IL1RAPL1: variants seen among roughly 807,000 people sequenced by gnomAD.
IL1RAPL1 encodes the protein interleukin-1 receptor accessory protein-like 1.
IL1RAPL1 carries 3 observed loss-of-function variants against 48.4 expected under a neutral mutation model. The observed-to-expected ratio is 0.06, with a 90% CI of 0.03 to 0.16. The LOEUF (loss-of-function observed/expected upper bound fraction) is 0.16. Ranked by LOEUF, IL1RAPL1 falls within the 10% of genes least tolerant of loss-of-function variation. The pLI is 1.00. For synonymous variants in IL1RAPL1, 185 were observed against 187.7 expected (o/e 0.99, Z 0.12); for missense variants, 349 against 530.6 (o/e 0.66, Z 3.36).
intron 5 of IL1RAPL1, among the ~76,000 whole-genome samples, chrX:29,470,167 G>T (rs190379150): frequency 3.6e-5 from 4 of 112,021 alleles, no homozygotes; most frequent in African/African-American, 1.3e-4. Context: ...CTCTCCCACT[G>T]CTAGTTTAGT....
At chrX:28,835,659 T>C (rs1921185724) in intron 2 of IL1RAPL1, among the ~76,000 whole-genome samples, 1 of 111,708 alleles carries the variant, frequency 9.0e-6, no homozygotes, top group African/African-American at 3.2e-5. Context: ...GTTATTTGAA[T>C]TGAACATATA....
intron 2 of IL1RAPL1, among the ~76,000 whole-genome samples, chrX:28,810,735 TTA>T (rs1253666149): frequency 9.1e-6 from 1 of 110,212 alleles, no homozygotes; most frequent in Non-Finnish European, 1.9e-5. Flanking sequence ...TCAAACTATT[TTA>T]GGGAACAAAA....
intron 2 of IL1RAPL1, among the ~76,000 whole-genome samples, chrX:28,928,888 T>C (rs1923814251): frequency 8.9e-6 from 1 of 112,238 alleles, no homozygotes; most frequent in African/African-American, 3.2e-5. Context: ...GAATCTGAAC[T>C]CTTTGTATGA....
At chrX:29,532,285 G>A (rs1437814445) in intron 5 of IL1RAPL1, among the ~76,000 whole-genome samples, 3 of 111,926 alleles carry the variant, frequency 2.7e-5, no homozygotes, top group Non-Finnish European at 3.8e-5. Flanking sequence ...GGTAGAAAGC[G>A]TGAGCTAAGG....
intron 1 of IL1RAPL1, among the ~76,000 whole-genome samples, chrX:28,697,964 T>A (rs1396004595): frequency 9.0e-6 from 1 of 111,375 alleles, no homozygotes; most frequent in Non-Finnish European, 1.9e-5. Context: ...GAGGAAGTTA[T>A]GTCCAATGAT....
At chrX:29,798,745 G>A (rs1929807294) in intron 6 of IL1RAPL1, among the ~76,000 whole-genome samples, 1 of 112,321 alleles carries the variant, frequency 8.9e-6, no homozygotes, top group African/African-American at 3.2e-5. Flanking sequence ...ATCAAATGGA[G>A]AATTACTAGG....
chrX:29,530,597 A>G (rs1043589045), intron 5 of IL1RAPL1, among the ~76,000 whole-genome samples: 39 of 111,964 alleles, frequency 3.5e-4, no homozygotes, highest in African/African-American at 1.2e-3. Context: ...CCAGACTGCT[A>G]CAGTATCATA....
At chrX:29,736,316 G>A (rs1190470523) in intron 6 of IL1RAPL1, among the ~76,000 whole-genome samples, 2 of 112,074 alleles carry the variant, frequency 1.8e-5, no homozygotes, top group East Asian at 5.6e-4. Flanking sequence ...CTTGAGCCCA[G>A]GATTTCAAGA....
At chrX:28,799,828 C>A (rs138330060) in intron 2 of IL1RAPL1, among the ~76,000 whole-genome samples, 1 of 111,023 alleles carries the variant, frequency 9.0e-6, no homozygotes, top group Non-Finnish European at 1.9e-5. Context: ...TTGATGGTGT[C>A]GCCAATTACA....
intron 5 of IL1RAPL1, among the ~76,000 whole-genome samples, chrX:29,485,754 A>G (rs1935088526): frequency 9.0e-6 from 1 of 111,213 alleles, no homozygotes; most frequent in African/African-American, 3.3e-5. Context: ...TTCTTGTCAA[A>G]ATTGTGAATT....
At chrX:28,720,951 T>A (rs1480492502) in intron 1 of IL1RAPL1, among the ~76,000 whole-genome samples, 3 of 112,332 alleles carry the variant, frequency 2.7e-5, no homozygotes, top group Admixed American at 9.4e-5. Context: ...TGCATTATAT[T>A]CCATGGTGTA....
At chrX:29,345,789 G>A (rs1424189823) in intron 3 of IL1RAPL1, among the ~76,000 whole-genome samples, 4 of 109,843 alleles carry the variant, frequency 3.6e-5, no homozygotes, top group Non-Finnish European at 7.6e-5. Flanking sequence ...GATAGAAATT[G>A]ATATATATAT....
chrX:29,107,175 T>A (rs1418189919), intron 2 of IL1RAPL1, among the ~76,000 whole-genome samples: 11 of 112,359 alleles, frequency 9.8e-5, no homozygotes, highest in African/African-American at 3.2e-4. Flanking sequence ...TCTGAAATAC[T>A]TACGAAGAAG....
At chrX:28,873,686 C>T (rs753939631) in intron 2 of IL1RAPL1, among the ~76,000 whole-genome samples, 3 of 107,849 alleles carry the variant, frequency 2.8e-5, no homozygotes, top group African/African-American at 6.8e-5. Flanking sequence ...AGCCCGCCAC[C>T]ACAGCCGGCT....
chrX:29,473,768 G>A (rs904960437), intron 5 of IL1RAPL1, among the ~76,000 whole-genome samples: 1 of 110,575 alleles, frequency 9.0e-6, no homozygotes, highest in Non-Finnish European at 1.9e-5. Context: ...ATCTTGCTTC[G>A]TAATTGTACA....
At chrX:28,956,684 T>C (rs1924619495) in intron 2 of IL1RAPL1, among the ~76,000 whole-genome samples, 1 of 107,768 alleles carries the variant, frequency 9.3e-6, no homozygotes, top group Admixed American at 1.0e-4. Context: ...TTGAGGATTT[T>C]TGCATCAATG....
At chrX:28,974,814 G>T (rs1925165685) in intron 2 of IL1RAPL1, among the ~76,000 whole-genome samples, 3 of 111,713 alleles carry the variant, frequency 2.7e-5, no homozygotes, top group South Asian at 7.6e-4. Flanking sequence ...TAGTTGAAAA[G>T]TGGACAATTA....
intron 5 of IL1RAPL1, among the ~76,000 whole-genome samples, chrX:29,527,712 C>G (rs1416046182): frequency 1.8e-5 from 2 of 111,044 alleles, no homozygotes; most frequent in African/African-American, 6.6e-5. Context: ...CTTCGCATGA[C>G]AAAATCAAAA....
chrX:29,094,145 T>G (rs914765486), intron 2 of IL1RAPL1, among the ~76,000 whole-genome samples: 2 of 111,957 alleles, frequency 1.8e-5, no homozygotes, highest in Admixed American at 1.9e-4. Flanking sequence ...AAAAATTATT[T>G]CTTGTACCAT....
Sources: gnomAD v4.1 joint callset for allele counts (sites outside exome capture counted in the v4.1 genomes callset) on GRCh38, gnomAD v4.1.1 for gene constraint, MANE v1.5 for transcripts, NCBI Gene and HGNC (gene_info 2026-07-23, HGNC 2026-07-21) for gene names.